The following KAT6A variants were observed in gnomAD, a reference collection of about 807,000 sequenced individuals.
KAT6A encodes the protein lysine acetyltransferase 6A, also known as histone acetyltransferase KAT6A.
KAT6A carries 9 observed loss-of-function variants against 198.4 expected under a neutral mutation model. The observed-to-expected ratio is 0.05, with a 90% CI of 0.03 to 0.08. The LOEUF (loss-of-function observed/expected upper bound fraction) is 0.08, where lower values mean the gene tolerates loss of function less well. KAT6A is among the 10% of genes least tolerant of loss of function. The pLI is 1.00. For synonymous variants in KAT6A, 890 were observed against 883.0 expected (o/e 1.01, Z -0.14); for missense variants, 2,077 against 2,509.9 (o/e 0.83, Z 3.69).
At chr8:42,031,888 C>T (rs1827148285) in intron 2 of KAT6A, among the ~76,000 whole-genome samples, 1 of 151,406 alleles carries the variant, frequency 6.6e-6, no homozygotes, top group South Asian at 2.1e-4. Context: ...ACCTCAGCCT[C>T]CCAAAGTCCT....
intron 2 of KAT6A, among the ~76,000 whole-genome samples, chr8:42,036,757 C>G (rs916154150): frequency 6.6e-6 from 1 of 152,150 alleles, no homozygotes; most frequent in African/African-American, 2.4e-5. Context: ...ATGCAGGTAA[C>G]TTTCTCGCAA....
intron 2 of KAT6A, among the ~76,000 whole-genome samples, chr8:42,008,258 T>TC (rs1325488895): frequency 6.6e-6 from 1 of 151,978 alleles, no homozygotes; most frequent in Non-Finnish European, 1.5e-5. Context: ...CTCACAAAGC[T>TC]CCCCTCATTA....
chr8:41,946,489 T>TAC (rs1418229529), intron 12 of KAT6A, 102 bp downstream of exon 12: 87 of 453,724 alleles, frequency 1.9e-4, no homozygotes, highest in Non-Finnish European at 2.4e-4. Context: ...TAAATATATA[T>TAC]ATATACACAC....
intron 2 of KAT6A, among the ~76,000 whole-genome samples, chr8:42,011,409 G>C (rs770543724): frequency 6.6e-6 from 1 of 152,012 alleles, no homozygotes; most frequent in African/African-American, 2.4e-5. Context: ...ATTTGTTCTA[G>C]AAATGAGTAT....
At chr8:41,971,969 C>T (rs575350129) in intron 8 of KAT6A, among the ~76,000 whole-genome samples, 1 of 152,178 alleles carries the variant, frequency 6.6e-6, no homozygotes, top group East Asian at 1.9e-4. Flanking sequence ...TACTCTTGTT[C>T]ACCACTAAAA....
intron 2 of KAT6A, among the ~76,000 whole-genome samples, chr8:42,002,384 A>C (rs566566081): frequency 1.3e-5 from 2 of 152,312 alleles, no homozygotes; most frequent in African/African-American, 4.8e-5. Flanking sequence ...AACACGGCAA[A>C]ACCCCATCTC....
intron 2 of KAT6A, among the ~76,000 whole-genome samples, chr8:42,003,216 C>T (rs557419402): frequency 8.8e-4 from 134 of 152,292 alleles, no homozygotes; most frequent in African/African-American, 3.2e-3. Flanking sequence ...CGAGGAGAAA[C>T]GGTTGTTTCC....
intron 9 of KAT6A, among the ~76,000 whole-genome samples, chr8:41,951,050 T>A (rs1205297003): frequency 6.6e-6 from 1 of 151,808 alleles, no homozygotes; most frequent in African/African-American, 2.4e-5. Flanking sequence ...ACCAAATTGC[T>A]CAAGAAAACA....
chr8:42,045,118 A>C (rs1390488585), intron 2 of KAT6A, among the ~76,000 whole-genome samples: 2 of 152,246 alleles, frequency 1.3e-5, no homozygotes, highest in African/African-American at 4.8e-5. Flanking sequence ...ACTACTGAAA[A>C]TAAGACTCCA....
At chr8:41,987,619 C>T (rs1824687859) in intron 2 of KAT6A, 56 bp from the exon 3 acceptor site, 3 of 977,366 alleles carry the variant, frequency 3.1e-6, no homozygotes, top group Admixed American at 2.0e-5. Context: ...AGTATTACTA[C>T]AAAGACATCA....
At chr8:41,991,785 G>A (rs977433919) in intron 2 of KAT6A, among the ~76,000 whole-genome samples, 3 of 152,098 alleles carry the variant, frequency 2.0e-5, no homozygotes, top group Non-Finnish European at 2.9e-5. Context: ...CACTCAGAAC[G>A]TGGAGGGGGC....
At chr8:42,046,423 C>G (rs1802298990) in intron 2 of KAT6A, among the ~76,000 whole-genome samples, 1 of 152,094 alleles carries the variant, frequency 6.6e-6, no homozygotes, top group African/African-American at 2.4e-5. Context: ...GTAATCCCAG[C>G]TACTTGGGAG....
intron 2 of KAT6A, among the ~76,000 whole-genome samples, chr8:41,994,988 A>G (rs1438938580): frequency 6.6e-6 from 1 of 151,708 alleles, no homozygotes; most frequent in Non-Finnish European, 1.5e-5. Context: ...CCCAGGAGGC[A>G]GAGGTTGCAG....
At chr8:42,023,649 A>G (rs1264570790) in intron 2 of KAT6A, among the ~76,000 whole-genome samples, 1 of 151,818 alleles carries the variant, frequency 6.6e-6, no homozygotes, top group Admixed American at 6.6e-5. Context: ...CACCATGTCC[A>G]GCTAATTTTT....
chr8:42,019,969 TA>T, intron 2 of KAT6A, among the ~76,000 whole-genome samples: 1 of 152,322 alleles, frequency 6.6e-6, no homozygotes, highest in South Asian at 2.1e-4. Context: ...GGGGTATCCT[TA>T]GGTATATAAA....
chr8:41,938,331 C>G (rs1051392165), intron 15 of KAT6A, among the ~76,000 whole-genome samples: 2 of 152,096 alleles, frequency 1.3e-5, no homozygotes, highest in Non-Finnish European at 1.5e-5. Context: ...ACTGCCTGTT[C>G]TTTTTCTTTT....
At chr8:41,979,639 A>G (rs902214755) in intron 5 of KAT6A, among the ~76,000 whole-genome samples, 1 of 152,082 alleles carries the variant, frequency 6.6e-6, no homozygotes, top group Non-Finnish European at 1.5e-5. Context: ...ACTTCACATA[A>G]ATGGAAAAAG....
rs565364161 is a variant in KAT6A at position 41,930,064 on chromosome 8, T to C, written c.*2141A>G. 4.8e-4 allele frequency: 110 copies of C among 230,024 alleles called. No homozygotes were observed. Among genetic ancestry groups the C allele is most frequent in the African/African-American group, 2.2e-3 (101 of 45,260 alleles). 14.2% of individuals were successfully genotyped at this position (230,024 alleles called of 1,614,324 possible). On this transcript the variant is annotated 3_prime_UTR_variant, in exon 17 of 17. Transcript: ENST00000265713. ...ATAATATAGAAAAGAACTTTTTTTTTCTACAATAGTTCTACAGTCACAAAG... is the reference window on the plus strand; with the variant it reads ...ATAATATAGAAAAGAACTTTTTTTTCCTACAATAGTTCTACAGTCACAAAG...
chr8:42,024,219 C>T (rs887355976), intron 2 of KAT6A, among the ~76,000 whole-genome samples: 1 of 152,166 alleles, frequency 6.6e-6, no homozygotes, highest in Non-Finnish European at 1.5e-5. Context: ...CAGGTTTACA[C>T]CAATATCACC....
Sources: allele counts gnomAD v4.1 joint callset (sites outside exome capture counted in the v4.1 genomes callset), GRCh38; gene constraint gnomAD v4.1.1; transcripts MANE v1.5; gene names NCBI Gene and HGNC (gene_info 2026-07-23, HGNC 2026-07-21).